Variants in ARL15 observed in about 807,000 individuals in gnomAD.
ARL15 encodes the protein ADP-ribosylation factor-like protein 15.
Under a neutral mutation model 25.2 loss-of-function variants are expected in ARL15, and 19 were observed. The ratio of observed to expected loss-of-function variants is 0.75; its 90% CI spans 0.53 to 1.10. The LOEUF (loss-of-function observed/expected upper bound fraction) is 1.10. Among genes scored for constraint, ARL15 ranks in the 50% least tolerant of loss-of-function variants. The pLI is 0.00. For missense variants in ARL15, 220 were observed against 246.0 expected, an observed-to-expected ratio of 0.89 and a Z score of 0.71; for synonymous variants, 94 against 86.8, an observed-to-expected ratio of 1.08 and a Z score of -0.46.
chr5:53,968,756 G>A (rs988686826), intron 4 of ARL15, among the ~76,000 whole-genome samples: 5 of 150,948 alleles, frequency 3.3e-5, no homozygotes, highest in East Asian at 2.0e-4. Flanking sequence ...TGATCCACCC[G>A]CCTCAGCCTC....
chr5:54,268,973 A>T (rs529983682), intron 1 of ARL15, among the ~76,000 whole-genome samples: 1 of 152,254 alleles, frequency 6.6e-6, no homozygotes, highest in African/African-American at 2.4e-5. Context: ...TCGCAAGAAC[A>T]AAAAACCAAA....
At chr5:54,005,098 C>T (rs566067501) in intron 4 of ARL15, among the ~76,000 whole-genome samples, 3 of 152,182 alleles carry the variant, frequency 2.0e-5, no homozygotes, top group East Asian at 1.9e-4. Flanking sequence ...GTGATCCTCC[C>T]GTTTCAGCCT....
intron 2 of ARL15, among the ~76,000 whole-genome samples, chr5:54,158,355 C>A (rs1754301654): frequency 1.3e-5 from 2 of 152,238 alleles, no homozygotes; most frequent in East Asian, 1.9e-4. Flanking sequence ...TATTCAGTAC[C>A]CCTCCTAGGT....
Position 54,074,007 on chromosome 5 carries a change from C to G in ARL15, c.462+39195G>C, listed in dbSNP as rs141747491. 4.7e-3 allele frequency among the ~76,000 whole-genome samples: 717 copies of G among 152,334 alleles called. 8 individuals carry two copies. Among genetic ancestry groups the G allele is most frequent in the African/African-American group, 0.016 (670 of 41,578 alleles). ...TGCCTTCCAGTCTCATTTGTGCTGG[C>G]AGCAGAGAAAAACCAGAGTGGAACT... is the stretch of plus-strand genomic sequence containing the variant. On this transcript the variant is annotated intron_variant, in intron 4 of 4. Transcript: ENST00000504924.
rs142589157 is a variant in ARL15 at position 54,178,764 on chromosome 5, T to C, written c.49-6836A>G. 4.0e-3 allele frequency among the ~76,000 whole-genome samples: 614 copies of C among 152,332 alleles called. 2 individuals are homozygous for C. The highest frequency in any genetic ancestry group is 8.2e-3 in the African/African-American group (343 of 41,582). ...TAAAACATTAAGAAGTGCTTAAATA[T>C]GTAAAATGACTTGATTTAGAACAAA... On this transcript the variant is annotated intron_variant, in intron 1 of 4. Transcript: ENST00000504924.
chr5:53,995,745 TG>T (rs1447418163), intron 4 of ARL15, among the ~76,000 whole-genome samples: 4 of 152,186 alleles, frequency 2.6e-5, no homozygotes, highest in African/African-American at 4.8e-5. Flanking sequence ...GGCCTTGTCC[TG>T]GCATTCCTGG....
intron 4 of ARL15, among the ~76,000 whole-genome samples, chr5:54,036,664 A>T (rs1209283089): frequency 3.9e-5 from 6 of 152,184 alleles, no homozygotes; most frequent in African/African-American, 1.2e-4. Context: ...TGGCAGATGG[A>T]TAAAAGGGAT....
intron 4 of ARL15, among the ~76,000 whole-genome samples, chr5:53,952,944 C>T (rs911275091): frequency 2.6e-5 from 4 of 152,100 alleles, no homozygotes; most frequent in Admixed American, 6.6e-5. Flanking sequence ...AATGTTGTTG[C>T]TAGCAAAGGA....
chr5:54,209,524 A>T (rs1755975406), intron 1 of ARL15, among the ~76,000 whole-genome samples: 1 of 152,198 alleles, frequency 6.6e-6, no homozygotes, highest in African/African-American at 2.4e-5. Context: ...CCCTGATAAA[A>T]ATAAAAACTA....
intron 3 of ARL15, among the ~76,000 whole-genome samples, chr5:54,149,570 C>G (rs1754004467): frequency 2.0e-5 from 3 of 152,068 alleles, no homozygotes; most frequent in Non-Finnish European, 4.4e-5. Flanking sequence ...AGTGGTTGAC[C>G]TGCATTTACT....
At chr5:54,142,375 C>T (rs1329947462) in intron 3 of ARL15, among the ~76,000 whole-genome samples, 1 of 152,030 alleles carries the variant, frequency 6.6e-6, no homozygotes, top group Non-Finnish European at 1.5e-5. Flanking sequence ...TGTCTAATGA[C>T]AAAAATAAAG....
intron 4 of ARL15, among the ~76,000 whole-genome samples, chr5:54,011,420 TTTG>T (rs535117135): frequency 1.1e-4 from 17 of 152,308 alleles, no homozygotes; most frequent in East Asian, 3.9e-4. Flanking sequence ...AGGTTGGTTT[TTTG>T]TTGTTGTTGT....
chr5:54,140,449 T>TAGAC (rs1347548802), intron 3 of ARL15, among the ~76,000 whole-genome samples: 7 of 138,316 alleles, frequency 5.1e-5, no homozygotes, highest in Admixed American at 3.2e-4. Flanking sequence ...GATAGATAGA[T>TAGAC]AGATAGATAG....
intron 3 of ARL15, among the ~76,000 whole-genome samples, chr5:54,128,298 C>T (rs1385979996): frequency 6.6e-6 from 1 of 152,190 alleles, no homozygotes; most frequent in Non-Finnish European, 1.5e-5. Context: ...AGACACACAA[C>T]AAAGCATCAG....
intron 3 of ARL15, among the ~76,000 whole-genome samples, chr5:54,115,599 C>G (rs156830): frequency 0.47 from 71,682 of 151,950 alleles, 18,077 homozygotes; most frequent in East Asian, 0.68. Flanking sequence ...ATTGACTAAG[C>G]CTTTGAAACT....
chr5:54,065,752 GTACAT>G (rs1368181999), intron 4 of ARL15, among the ~76,000 whole-genome samples: 3 of 152,208 alleles, frequency 2.0e-5, no homozygotes, highest in South Asian at 2.1e-4. Flanking sequence ...TGCATAAAAT[GTACAT>G]TACATTTCAA....
chr5:54,192,945 A>T (rs1441787378), intron 1 of ARL15, among the ~76,000 whole-genome samples: 1 of 152,194 alleles, frequency 6.6e-6, no homozygotes, highest in Non-Finnish European at 1.5e-5. Context: ...AATCAAGAGT[A>T]TGTATGTAGG....
chr5:53,934,583 T>C (rs1253062347), intron 4 of ARL15, among the ~76,000 whole-genome samples: 1 of 152,194 alleles, frequency 6.6e-6, no homozygotes, highest in Non-Finnish European at 1.5e-5. Context: ...CCAGTTGCAA[T>C]AGAAGAAGGC....
chr5:54,103,948 T>A (rs1367912546), intron 4 of ARL15, among the ~76,000 whole-genome samples: 2 of 152,200 alleles, frequency 1.3e-5, no homozygotes, highest in African/African-American at 4.8e-5. Context: ...AAGTTAAGGA[T>A]GTCTGCCTCA....
Sources: gnomAD v4.1 joint callset for allele counts (sites outside exome capture counted in the v4.1 genomes callset) on GRCh38, gnomAD v4.1.1 for gene constraint, MANE v1.5 for transcripts, NCBI Gene and HGNC (gene_info 2026-07-23, HGNC 2026-07-21) for gene names.